Variants in DCC observed in about 807,000 individuals in gnomAD.
The protein encoded by DCC is netrin receptor DCC.
Under a neutral mutation model 172.5 loss-of-function variants are expected in DCC, and 58 were observed. The ratio of observed to expected loss-of-function variants is 0.34; its 90% CI spans 0.27 to 0.42. The LOEUF (loss-of-function observed/expected upper bound fraction) is 0.42. DCC is among the 10% of genes least tolerant of loss of function. The probability of loss-of-function intolerance (pLI) is 1.00; values close to 1 mark genes in which losing one functional copy is unlikely to be tolerated. For missense variants in DCC, 1,740 were observed against 1,791.0 expected (o/e 0.97, Z 0.51); for synonymous variants, 709 against 644.5 (o/e 1.10, Z -1.52).
At chr18:52,919,019 T>C (rs140247043) in intron 3 of DCC, among the ~76,000 whole-genome samples, 2 of 152,350 alleles carry the variant, frequency 1.3e-5, no homozygotes, top group African/African-American at 2.4e-5. Context: ...GCCTCACTTA[T>C]GTGCATTTGG....
At chr18:52,437,943 AT>A (rs1281820988) in intron 1 of DCC, among the ~76,000 whole-genome samples, 1 of 152,176 alleles carries the variant, frequency 6.6e-6, no homozygotes, top group African/African-American at 2.4e-5. Context: ...TTGAATGGGT[AT>A]TTAGATGCCA....
chr18:52,864,529 A>G (rs2039190562), intron 2 of DCC, among the ~76,000 whole-genome samples: 1 of 152,006 alleles, frequency 6.6e-6, no homozygotes, highest in Non-Finnish European at 1.5e-5. Context: ...TTAATTTTGT[A>G]TTATACTTTG....
At chr18:53,055,729 A>G (rs1489694348) in intron 5 of DCC, among the ~76,000 whole-genome samples, 1 of 152,170 alleles carries the variant, frequency 6.6e-6, no homozygotes, top group Non-Finnish European at 1.5e-5. Context: ...AGGAGAAAGT[A>G]AACTAGAGAG....
At chr18:53,279,193 C>T (rs966617587) in intron 12 of DCC, among the ~76,000 whole-genome samples, 3 of 152,036 alleles carry the variant, frequency 2.0e-5, no homozygotes, top group Non-Finnish European at 4.4e-5. Context: ...TGTGCACATG[C>T]ACACGTATGC....
chr18:52,720,325 C>G (rs57307063), intron 1 of DCC, among the ~76,000 whole-genome samples: 23 of 151,998 alleles, frequency 1.5e-4, no homozygotes, highest in African/African-American at 5.6e-4. Context: ...GTTCTATGAG[C>G]GCTCTATGCT....
intron 1 of DCC, among the ~76,000 whole-genome samples, chr18:52,489,812 G>A (rs996180919): frequency 6.6e-6 from 1 of 152,004 alleles, no homozygotes; most frequent in Non-Finnish European, 1.5e-5. Context: ...AATTTGCTGG[G>A]TTGACAAGTC....
intron 1 of DCC, among the ~76,000 whole-genome samples, chr18:52,470,417 C>A (rs1305699589): frequency 6.6e-6 from 1 of 152,148 alleles, no homozygotes; most frequent in Non-Finnish European, 1.5e-5. Flanking sequence ...ATTCACCTTT[C>A]TGGTCCAATA....
chr18:52,817,872 A>G (rs544941218), intron 2 of DCC, among the ~76,000 whole-genome samples: 3 of 152,190 alleles, frequency 2.0e-5, no homozygotes, highest in African/African-American at 4.8e-5. Flanking sequence ...ACAGTACTCA[A>G]GGAGACCAAA....
At chr18:52,581,569 C>A (rs796688597) in intron 1 of DCC, among the ~76,000 whole-genome samples, 8 of 152,244 alleles carry the variant, frequency 5.3e-5, no homozygotes, top group African/African-American at 1.4e-4. Context: ...CTCTTGTTGG[C>A]TTTGATGGCA....
intron 2 of DCC, among the ~76,000 whole-genome samples, chr18:52,830,204 G>A (rs1200068057): frequency 6.6e-6 from 1 of 152,184 alleles, no homozygotes; most frequent in African/African-American, 2.4e-5. Flanking sequence ...GCGGCCCCAT[G>A]GGCCACATGC....
At chr18:52,836,913 AC>A (rs2038716717) in intron 2 of DCC, among the ~76,000 whole-genome samples, 1 of 152,192 alleles carries the variant, frequency 6.6e-6, no homozygotes, top group Non-Finnish European at 1.5e-5. Flanking sequence ...GGAAACTTCT[AC>A]CTGAACATCC....
At chr18:53,489,052 A>C (rs1599209485) in intron 26 of DCC, among the ~76,000 whole-genome samples, 1 of 151,654 alleles carries the variant, frequency 6.6e-6, no homozygotes. Flanking sequence ...CCAGCTACTC[A>C]GGAGGCTGAG....
At chr18:52,498,167 C>T (rs573198895) in intron 1 of DCC, among the ~76,000 whole-genome samples, 1 of 152,248 alleles carries the variant, frequency 6.6e-6, no homozygotes, top group East Asian at 1.9e-4. Flanking sequence ...CCATTCTTAA[C>T]TCAAAGGCCA....
intron 1 of DCC, among the ~76,000 whole-genome samples, chr18:52,457,865 T>A (rs942738715): frequency 6.6e-6 from 1 of 152,026 alleles, no homozygotes; most frequent in African/African-American, 2.4e-5. Context: ...CTCTCAAAGA[T>A]CTTGCCCACC....
At chr18:52,454,732 A>G (rs1480685591) in intron 1 of DCC, among the ~76,000 whole-genome samples, 1 of 152,196 alleles carries the variant, frequency 6.6e-6, no homozygotes, top group Non-Finnish European at 1.5e-5. Flanking sequence ...GGAAGCATTA[A>G]CAAACATTTA....
chr18:53,121,442 C>G (rs906759199), intron 7 of DCC, among the ~76,000 whole-genome samples: 1 of 151,804 alleles, frequency 6.6e-6, no homozygotes, highest in African/African-American at 2.4e-5. Flanking sequence ...TTATTGTTGT[C>G]TTCCCATTCA....
chr18:53,378,477 A>G (rs1205280116), intron 15 of DCC, among the ~76,000 whole-genome samples: 1 of 152,204 alleles, frequency 6.6e-6, no homozygotes, highest in Non-Finnish European at 1.5e-5. Context: ...AGAGGAAAAT[A>G]TTATAAAATA....
intron 7 of DCC, among the ~76,000 whole-genome samples, chr18:53,088,702 A>G (rs2042957967): frequency 6.6e-6 from 1 of 152,194 alleles, no homozygotes; most frequent in Non-Finnish European, 1.5e-5. Context: ...AGAAGAATCA[A>G]ATAGACGCAA....
chr18:52,345,644 C>T (rs573018037), intron 1 of DCC, among the ~76,000 whole-genome samples: 11 of 152,330 alleles, frequency 7.2e-5, no homozygotes, highest in East Asian at 3.9e-4. Flanking sequence ...CCTCCCTTGA[C>T]GCAGCCCAAG....
Sources: gnomAD v4.1 joint callset for allele counts (sites outside exome capture counted in the v4.1 genomes callset) on GRCh38, gnomAD v4.1.1 for gene constraint, MANE v1.5 for transcripts, NCBI Gene and HGNC (gene_info 2026-07-23, HGNC 2026-07-21) for gene names.